FBXO31: variants seen among roughly 807,000 people sequenced by gnomAD.
FBXO31 encodes F-box only protein 31.
FBXO31 carries 24 observed loss-of-function variants against 54.4 expected under a neutral mutation model. The observed-to-expected ratio is 0.44, with a 90% CI of 0.32 to 0.62. The LOEUF (loss-of-function observed/expected upper bound fraction) is 0.62, where lower values mean the gene tolerates loss of function less well. FBXO31 is among the 20% of genes least tolerant of loss of function. The probability of loss-of-function intolerance (pLI) is 0.05; values close to 1 mark genes in which losing one functional copy is unlikely to be tolerated. For missense variants in FBXO31, 665 were observed against 787.1 expected, an observed-to-expected ratio of 0.84 and a Z score of 1.86; for synonymous variants, 388 against 335.6, an observed-to-expected ratio of 1.16 and a Z score of -1.71.
intron 1 of FBXO31, among the ~76,000 whole-genome samples, chr16:87,378,084 G>A (rs556408109): frequency 2.6e-5 from 4 of 151,532 alleles, no homozygotes; most frequent in African/African-American, 4.8e-5. Context: ...GCTTGAACCC[G>A]GGAGGCAGAG....
chr16:87,366,805 G>A (rs976965859), intron 1 of FBXO31, among the ~76,000 whole-genome samples: 1 of 152,190 alleles, frequency 6.6e-6, no homozygotes, highest in Non-Finnish European at 1.5e-5. Flanking sequence ...CCACTCTTCT[G>A]CAAAGAAAGG....
chr16:87,331,760 G>T (rs1296454055), intron 8 of FBXO31, among the ~76,000 whole-genome samples: 6 of 152,230 alleles, frequency 3.9e-5, no homozygotes, highest in African/African-American at 1.4e-4. Context: ...CCAGAGCTCG[G>T]GGCTGCTCGG....
intron 2 of FBXO31, among the ~76,000 whole-genome samples, chr16:87,357,557 AC>A (rs1905951412): frequency 6.6e-6 from 1 of 152,040 alleles, no homozygotes; most frequent in Admixed American, 6.6e-5. Flanking sequence ...CGAACTCCTG[AC>A]CTCAGATGAT....
At position 87,383,561 on chromosome 16, in the gene FBXO31, G is replaced by T. The variant is rs1000666818; in HGVS notation, c.184C>A (p.Pro62Thr). Reference protein sequence around the residue: ...GGLCAGPSPPPPRCSLLELPP... With the variant: ...GGLCAGPSPPTPRCSLLELPP... The stretch of plus-strand genomic sequence containing the variant: ...AGCTCCAGCAGCGAGCAGCGCGGGG[G>T]CGGCGGCGAGGGGCCCGCGCACAAG... Residue 62 changes from proline (P) to threonine (T), a missense_variant, in exon 1 of 9, where the codon CCC (proline) becomes ACC (threonine). Physicochemically the swap from Pro to Thr is conservative, Grantham distance 38. Around this residue, in one of 4 missense-constraint regions of FBXO31, gnomAD observed 195 missense variants for 174.8 expected, o/e 1.12. Coordinates refer to ENST00000311635, the MANE Select transcript of FBXO31 (RefSeq NM_024735.5). The surrounding 1 kb of genome is among the most constrained non-coding windows in gnomAD (Gnocchi z 4.9). 3 of 1,534,292 alleles carry T rather than the reference G, an allele frequency of 2.0e-6. No individual in the cohort carries two copies. The highest frequency in any genetic ancestry group is 5.2e-5 in the East Asian group (2 of 38,504).
chr16:87,362,341 C>T (rs1028183591), intron 1 of FBXO31, among the ~76,000 whole-genome samples: 2 of 152,038 alleles, frequency 1.3e-5, no homozygotes, highest in Admixed American at 6.6e-5. Context: ...CACTATGTTG[C>T]CCAGGCTGTA....
rs986944004 is a variant in FBXO31, at chr16:87,338,570, C to G, written c.733-2306G>C. On this transcript the variant is annotated intron_variant, in intron 5 of 8. Coordinates refer to ENST00000311635, the MANE Select transcript of FBXO31 (RefSeq NM_024735.5). The surrounding 1 kb of genome is among the most constrained non-coding windows in gnomAD (Gnocchi z 4.3). ...GCCAGGTCTGGGTGGGCCCGAGCGT[C>G]CCATTTCTCACAAGGACCCACGGCT... Among the ~76,000 whole-genome samples the G allele has an allele frequency of 2.0e-5, 3 of 152,166 alleles. No individual in the cohort carries two copies. Among genetic ancestry groups the G allele is most frequent in the Non-Finnish European group, 4.4e-5 (3 of 68,038 alleles).
At chr16:87,344,802 C>T (rs1310721294) in intron 3 of FBXO31, among the ~76,000 whole-genome samples, 2 of 152,230 alleles carry the variant, frequency 1.3e-5, no homozygotes, top group South Asian at 2.1e-4. Flanking sequence ...CCCAACACAA[C>T]AAACGCAGAG....
Position 87,360,281 on chromosome 16 carries a change from A to C in FBXO31, c.412+14T>G, listed in dbSNP as rs1272443389. 6.2e-7 allele frequency: 1 copy of C among 1,612,584 alleles called. No individual in the cohort carries two copies. The highest frequency in any genetic ancestry group is 1.1e-5 in the South Asian group (1 of 91,064). ...CAAAGTTAATCATGGATGGTAACAAATAGATTCACTCACGCTTCGCATAGA... is the reference window on the plus strand; with the variant it reads ...CAAAGTTAATCATGGATGGTAACAACTAGATTCACTCACGCTTCGCATAGA... On this transcript the variant is annotated intron_variant, in intron 2 of 8. Coordinates refer to ENST00000311635, the MANE Select transcript of FBXO31 (RefSeq NM_024735.5).
rs1905112242 is a variant in FBXO31 at position 87,338,941 on chromosome 16, T to A, written c.733-2677A>T. Among the ~76,000 whole-genome samples the A allele has an allele frequency of 6.6e-6, 1 of 152,142 alleles. No homozygotes were observed. The highest frequency in any genetic ancestry group is 1.5e-5 in the Non-Finnish European group (1 of 68,024). On this transcript the variant is annotated intron_variant, in intron 5 of 8. Transcript: ENST00000311635. This position sits in a 1 kb window ranked among gnomAD's most constrained non-coding sequence, Gnocchi z 4.3. ...TCCATGCTGCTCTCATGATAGTGAA[T>A]AAGTCTCACGAGATGCAATGGTTTT...
Position 87,358,883 on chromosome 16 carries a change from C to T in FBXO31, c.412+1412G>A, listed in dbSNP as rs1906012075. Among the ~76,000 whole-genome samples the T allele has an allele frequency of 6.6e-6, 1 of 152,146 alleles. No individual in the cohort carries two copies. Among genetic ancestry groups the T allele is most frequent in the African/African-American group, 2.4e-5 (1 of 41,428 alleles). ...ATGACCGTCTAGAGAACACTTACCCCGGCTAACATACTCACTTTGCCCAGC... is the reference window on the plus strand; with the variant it reads ...ATGACCGTCTAGAGAACACTTACCCTGGCTAACATACTCACTTTGCCCAGC... On this transcript the variant is annotated intron_variant, in intron 2 of 8. Transcript: ENST00000311635. The surrounding 1 kb of genome is among the most constrained non-coding windows in gnomAD (Gnocchi z 4.0).
intron 2 of FBXO31, among the ~76,000 whole-genome samples, chr16:87,353,844 C>A (rs1164294548): frequency 6.6e-6 from 1 of 152,254 alleles, no homozygotes; most frequent in African/African-American, 2.4e-5. Context: ...TGGCCTCCAG[C>A]CTGTGAGAAA....
At chr16:87,339,755 G>A (rs906743371) in intron 5 of FBXO31, among the ~76,000 whole-genome samples, 59 of 152,330 alleles carry the variant, frequency 3.9e-4, no homozygotes, top group Middle Eastern at 3.4e-3. Flanking sequence ...GATGTTTCTG[G>A]GAAATAGCTG....
chr16:87,374,524 C>T (rs1283197808), intron 1 of FBXO31, among the ~76,000 whole-genome samples: 3 of 152,178 alleles, frequency 2.0e-5, no homozygotes, highest in African/African-American at 7.2e-5. Flanking sequence ...TCATGCCAGC[C>T]GGACAGTCCT....
upstream of FBXO31, chr16:87,383,868 C>T: frequency 2.8e-6 from 2 of 708,092 alleles, no homozygotes; most frequent in African/African-American, 1.9e-5. This position sits in a 1 kb window ranked among gnomAD's most constrained non-coding sequence, Gnocchi z 4.9. Flanking sequence ...TAGCCCCGCC[C>T]CTACGTAGAG....
chr16:87,359,859 A>G (rs949591959), intron 2 of FBXO31, among the ~76,000 whole-genome samples: 3 of 152,154 alleles, frequency 2.0e-5, no homozygotes, highest in African/African-American at 7.2e-5. Context: ...CTGCTCACAG[A>G]ATGCTAAAGG....
In FBXO31 at chr16:87,347,319, G is replaced by A. The variant is rs148742181; in HGVS notation, c.413-69C>T. 1.5e-3 allele frequency: 2,040 copies of A among 1,343,572 alleles called. 24 individuals are homozygous for A. In the African/African-American group the frequency reaches 0.025, roughly 16 times the overall value. 83.2% of individuals were successfully genotyped at this position (1,343,572 alleles called of 1,614,324 possible). On this transcript the variant is annotated intron_variant, in intron 2 of 8. Transcript: ENST00000311635. Reference sequence around the variant, plus strand: ...GTGCCGCAGGGAGCCCAGGAACCCCGAGAGGGAGGAAGGAACCATGAGGAC... The same window carrying A: ...GTGCCGCAGGGAGCCCAGGAACCCCAAGAGGGAGGAAGGAACCATGAGGAC...
At chr16:87,351,139 A>G (rs1905636155) in intron 2 of FBXO31, among the ~76,000 whole-genome samples, 4 of 152,254 alleles carry the variant, frequency 2.6e-5, no homozygotes, top group Admixed American at 1.3e-4. Context: ...GGAATCGCAA[A>G]GCCTGTGTCT....
At chr16:87,356,339 G>A (rs929684101) in intron 2 of FBXO31, among the ~76,000 whole-genome samples, 1 of 152,156 alleles carries the variant, frequency 6.6e-6, no homozygotes, top group Non-Finnish European at 1.5e-5. Context: ...CCCTCCCACA[G>A]CTCTCCTCAC....
At chr16:87,333,164 G>A (rs11649550) in intron 8 of FBXO31, among the ~76,000 whole-genome samples, 41,671 of 152,256 alleles carry the variant, frequency 0.27, 6,989 homozygotes, top group Non-Finnish European at 0.39. Context: ...CACTGAAGGC[G>A]GTGGCCCAGA....
Sources: allele counts gnomAD v4.1 joint callset (sites outside exome capture counted in the v4.1 genomes callset), GRCh38; gene constraint gnomAD v4.1.1; regional missense constraint gnomAD v4.1.1; non-coding constraint Gnocchi (gnomAD v3.1); transcripts MANE v1.5; gene names NCBI Gene and HGNC (gene_info 2026-07-23, HGNC 2026-07-21).